Variants in ARL10 observed in about 807,000 individuals in gnomAD.
ARL10 encodes ARF like GTPase 10.
Under a neutral mutation model 26.1 loss-of-function variants are expected in ARL10, and 23 were observed. The observed-to-expected ratio is 0.88, with a 90% confidence interval of 0.63 to 1.25. The LOEUF (loss-of-function observed/expected upper bound fraction) is 1.25. ARL10 is among the 50% of genes most tolerant of loss of function. The pLI, the probability that ARL10 is intolerant of heterozygous loss-of-function variation, is 0.00. For synonymous variants in ARL10, 138 were observed against 149.1 expected (o/e 0.93, Z 0.54); for missense variants, 300 against 323.6 (o/e 0.93, Z 0.56).
intron 3 of ARL10, among the ~76,000 whole-genome samples, chr5:176,370,825 T>C (rs1768506203): frequency 6.6e-6 from 1 of 152,214 alleles, no homozygotes; most frequent in Non-Finnish European, 1.5e-5. Flanking sequence ...TAGTGGTCCC[T>C]TGTTTTCCTC....
chr5:176,371,969 G>C lies in ARL10; in HGVS notation c.*74G>C. Reference sequence around the variant, plus strand: ...TGCTGCTGCTTCATTGCCAGACTGGGCCTGGGGCAAGAGCCACATGGCAGC... The same window carrying C: ...TGCTGCTGCTTCATTGCCAGACTGGCCCTGGGGCAAGAGCCACATGGCAGC... On this transcript the variant is annotated 3_prime_UTR_variant, in exon 4 of 4. Coordinates refer to ENST00000310389, the MANE Select transcript of ARL10 (RefSeq NM_173664.6). The C allele has an allele frequency of 6.5e-7, 1 of 1,541,638 alleles. No homozygotes were observed. Among genetic ancestry groups the C allele is most frequent in the Non-Finnish European group, 8.8e-7 (1 of 1,142,758 alleles).
chr5:176,389,071 A>G, downstream of ARL10: 1 of 1,470,172 alleles, frequency 6.8e-7, no homozygotes, highest in Non-Finnish European at 9.3e-7. Context: ...GCGGAAGGAG[A>G]GCGGACTAGA....
the ARL10 span, chr5:176,407,586 G>A: frequency 2.0e-5 from 3 of 152,384 alleles, no homozygotes; most frequent in Non-Finnish European, 4.4e-5. Flanking sequence ...ACAGGCGTGA[G>A]CCACTGTGCC....
chr5:176,385,009 G>A (rs1308631262), downstream of ARL10: 2 of 582,058 alleles, frequency 3.4e-6, no homozygotes, highest in South Asian at 2.2e-5. Flanking sequence ...ACATTTATCT[G>A]TGAGTGAGAC....
Position 176,368,888 on chromosome 5 carries a change from C to T in ARL10, c.467C>T (p.Ala156Val), listed in dbSNP as rs939059221. 2 of 1,614,196 alleles carry T rather than the reference C, an allele frequency of 1.2e-6. No homozygotes were observed. The highest frequency in any genetic ancestry group is 1.7e-5 in the Admixed American group (1 of 60,026). Reference protein sequence around the residue: ...VDVLVFVVDSADRLRLPWARQ... With the variant: ...VDVLVFVVDSVDRLRLPWARQ... ...GTGCTGGTGTTTGTGGTGGACTCGG[C>T]TGACCGACTGCGGCTGCCCTGGGCC... The change falls in exon 3 of 4, where the codon GCT (alanine) becomes GTT (valine). Residue 156 changes from alanine to valine, a missense_variant. By Grantham distance (64) the Ala-to-Val change is moderately conservative. Coordinates refer to ENST00000310389, the MANE Select transcript of ARL10 (RefSeq NM_173664.6). This position sits in a 1 kb window ranked among gnomAD's most constrained non-coding sequence, Gnocchi z 4.1.
chr5:176,376,644 G>C lies in ARL10; in HGVS notation c.*4749G>C, dbSNP rs1241981361. 1 of 152,224 alleles carries C rather than the reference G, an allele frequency of 6.6e-6. No homozygotes were observed. The highest frequency in any genetic ancestry group is 1.5e-5 in the Non-Finnish European group (1 of 68,050). 9.4% of individuals were successfully genotyped at this position (152,224 alleles called of 1,614,324 possible). A position where few individuals can be genotyped will look rare whatever the true frequency, so the allele number is the denominator to read the frequency against. On this transcript the variant is annotated 3_prime_UTR_variant, in exon 4 of 4. Coordinates refer to ENST00000310389, the MANE Select transcript of ARL10 (RefSeq NM_173664.6). ...AAGATAAGATTTTTGCGATTGCAGT[G>C]AAGTCTTCATCCACATCTAGGGAAA... is the stretch of plus-strand genomic sequence containing the variant.
chr5:176,388,039 T>C (rs1483461589), intron 1 of ARL10, among the ~76,000 whole-genome samples: 1 of 152,096 alleles, frequency 6.6e-6, no homozygotes, highest in Non-Finnish European at 1.5e-5. Flanking sequence ...ATGGGGAATG[T>C]GTGCTGGGGA....
intron 3 of ARL10, among the ~76,000 whole-genome samples, chr5:176,370,812 G>A (rs1768505850): frequency 1.3e-5 from 2 of 152,348 alleles, no homozygotes; most frequent in Middle Eastern, 3.4e-3. Flanking sequence ...CAGTCATGCT[G>A]TGTAGTGGTC....
At chr5:176,392,903 G>A, downstream of ARL10, 1 of 1,614,136 alleles carries the variant, frequency 6.2e-7, no homozygotes, top group South Asian at 1.1e-5. The surrounding 1 kb of genome is among the most constrained non-coding windows in gnomAD (Gnocchi z 5.2). Context: ...CTGTGCCTGG[G>A]GTCTCCTCCT....
chr5:176,384,717 C>G (rs989248224), downstream of ARL10: 1 of 386,750 alleles, frequency 2.6e-6, no homozygotes, highest in African/African-American at 2.0e-5. Flanking sequence ...CTGCGGTGAG[C>G]CATGATCACA....
chr5:176,389,206 C>A, downstream of ARL10: 3 of 1,237,058 alleles, frequency 2.4e-6, no homozygotes, highest in Non-Finnish European at 3.4e-6. Context: ...TCGACTCGAC[C>A]TACCCTCGCC....
At chr5:176,390,182 C>CAAA (rs60632467), downstream of ARL10, among the ~76,000 whole-genome samples, 12,707 of 64,920 alleles carry the variant, frequency 0.2, 1,123 homozygotes, top group Non-Finnish European at 0.23. Flanking sequence ...AACTCCATCT[C>CAAA]AAAAAAAAAA....
rs1768585432 is a variant in ARL10, at chr5:176,372,810, T to C, written c.*915T>C. The C allele has an allele frequency of 2.5e-6, 1 of 398,392 alleles. No homozygotes were observed. Among genetic ancestry groups the C allele is most frequent in the South Asian group, 1.3e-4 (1 of 7,446 alleles). The allele number at this position is 398,392 out of a possible 1,614,324, so 24.7% of individuals were successfully genotyped here. A position where few individuals can be genotyped will look rare whatever the true frequency, so the allele number is the denominator to read the frequency against. On this transcript the variant is annotated 3_prime_UTR_variant, in exon 4 of 4. Coordinates refer to ENST00000310389, the MANE Select transcript of ARL10 (RefSeq NM_173664.6). The stretch of plus-strand genomic sequence containing the variant: ...GAACTGCATTTTATTTATTAATTTA[T>C]AAGCAGAACAGGCCAGAGTTCTAGG...
chr5:176,408,227 C>CTTT, the ARL10 span, among the ~76,000 whole-genome samples: 1 of 144,220 alleles, frequency 6.9e-6, no homozygotes, highest in Admixed American at 6.9e-5. Flanking sequence ...GGGTTTTCCT[C>CTTT]TTTTTTTTTT....
chr5:176,413,481 A>G, the ARL10 span, among the ~76,000 whole-genome samples: 12 of 152,204 alleles, frequency 7.9e-5, no homozygotes, highest in Admixed American at 4.6e-4. Flanking sequence ...CCAGCCAGAG[A>G]GGAGGGGCTC....
chr5:176,404,827 C>T (rs541208346), downstream of ARL10, among the ~76,000 whole-genome samples: 15 of 152,320 alleles, frequency 9.8e-5, no homozygotes, highest in South Asian at 1.2e-3. Context: ...ACATGCTCTT[C>T]CCTTGGCCTT....
chr5:176,389,068 G>A (rs979827253), downstream of ARL10: 5 of 1,489,018 alleles, frequency 3.4e-6, no homozygotes, highest in South Asian at 5.9e-5. Context: ...GGAGCGGAAG[G>A]AGAGCGGACT....
chr5:176,372,739 C>G lies in ARL10; in HGVS notation c.*844C>G. On this transcript the variant is annotated 3_prime_UTR_variant, in exon 4 of 4. Transcript: ENST00000310389. Reference sequence around the variant, plus strand: ...ACAGAAGTCAGGGGAAGGAAGGAGCCTGTGTCCCTGGGACGACAGTCAACT... The same window carrying G: ...ACAGAAGTCAGGGGAAGGAAGGAGCGTGTGTCCCTGGGACGACAGTCAACT... 2.5e-6 allele frequency: 1 copy of G among 396,732 alleles called. No homozygotes were observed. The highest frequency in any genetic ancestry group is 4.4e-6 in the Non-Finnish European group (1 of 225,208). 24.6% of individuals were successfully genotyped at this position (396,732 alleles called of 1,614,324 possible). A position where few individuals can be genotyped will look rare whatever the true frequency, so the allele number is the denominator to read the frequency against.
At chr5:176,367,879 TC>T in intron 2 of ARL10, 1 of 519,816 alleles carries the variant, frequency 1.9e-6, no homozygotes. Flanking sequence ...GCCATGTCCT[TC>T]CCAGTTAGGG....
Sources: gnomAD v4.1 joint callset for allele counts (sites outside exome capture counted in the v4.1 genomes callset) on GRCh38, gnomAD v4.1.1 for gene constraint, Gnocchi (gnomAD v3.1) non-coding constraint, MANE v1.5 for transcripts, NCBI Gene and HGNC (gene_info 2026-07-23, HGNC 2026-07-21) for gene names.